TTC13: variants seen among roughly 807,000 people sequenced by gnomAD.
The protein encoded by TTC13 is tetratricopeptide repeat domain 13.
A neutral mutation model predicts 120.0 loss-of-function variants in TTC13; 62 were observed. The ratio of observed to expected loss-of-function variants is 0.52; its 90% CI spans 0.42 to 0.64. The LOEUF (loss-of-function observed/expected upper bound fraction) is 0.64. Among genes scored for constraint, TTC13 ranks in the 30% least tolerant of loss-of-function variants. The pLI is 0.00. For synonymous variants in TTC13, 384 were observed against 393.5 expected (o/e 0.98, Z 0.28); for missense variants, 824 against 1,050.2 (o/e 0.78, Z 2.98).
chr1:230,936,251 C>T, intron 8 of TTC13: 1 of 456,262 alleles, frequency 2.2e-6, no homozygotes. Flanking sequence ...CACTGCACAG[C>T]TCTCTACCTC....
chr1:230,938,485 C>T (rs1050474616), intron 8 of TTC13, among the ~76,000 whole-genome samples: 1 of 152,212 alleles, frequency 6.6e-6, no homozygotes, highest in East Asian at 1.9e-4. Flanking sequence ...GGCTGGAGGC[C>T]ACGTTTCTGC....
chr1:230,936,912 C>G (rs1233877728), intron 8 of TTC13, among the ~76,000 whole-genome samples: 1 of 152,240 alleles, frequency 6.6e-6, no homozygotes, highest in African/African-American at 2.4e-5. Context: ...TCCACTCCTT[C>G]TATACCTCAT....
At chr1:230,935,805 T>C (rs1433346368) in intron 8 of TTC13, among the ~76,000 whole-genome samples, 1 of 152,122 alleles carries the variant, frequency 6.6e-6, no homozygotes, top group African/African-American at 2.4e-5. Flanking sequence ...ATTAGGGAGT[T>C]GCTGCAGTAG....
chr1:230,917,438 A>G (rs1324070442), intron 17 of TTC13, among the ~76,000 whole-genome samples: 1 of 152,108 alleles, frequency 6.6e-6, no homozygotes, highest in African/African-American at 2.4e-5. Flanking sequence ...GCTGACATAC[A>G]CGTTAACTTG....
At chr1:230,943,709 A>G (rs1358502078) in intron 6 of TTC13, 97 bp downstream of exon 6, 3 of 942,950 alleles carry the variant, frequency 3.2e-6, no homozygotes, top group East Asian at 2.6e-5. Flanking sequence ...AAGAGTTTTA[A>G]GGGAGCATTA....
chr1:230,969,968 C>T (rs751496711), intron 1 of TTC13, among the ~76,000 whole-genome samples: 1 of 152,218 alleles, frequency 6.6e-6, no homozygotes, highest in African/African-American at 2.4e-5. Context: ...CCTTCATAAA[C>T]CTCATTTCTT....
intron 4 of TTC13, among the ~76,000 whole-genome samples, chr1:230,952,480 C>T (rs1199886077): frequency 6.6e-6 from 1 of 152,228 alleles, no homozygotes; most frequent in Admixed American, 6.5e-5. Context: ...ATAGTCTGAA[C>T]TGCGAGCAAA....
intron 17 of TTC13, 33 bp downstream of exon 17, chr1:230,920,477 A>T (rs747905991): frequency 1.3e-6 from 2 of 1,499,856 alleles, no homozygotes; most frequent in East Asian, 2.3e-5. Context: ...TTTCCTCTAA[A>T]AACATGGACT....
At chr1:230,963,683 G>C (rs2102976453) in intron 1 of TTC13, among the ~76,000 whole-genome samples, 1 of 143,118 alleles carries the variant, frequency 7.0e-6, no homozygotes, top group Non-Finnish European at 1.5e-5. Flanking sequence ...AAAGAAAAAA[G>C]AATGGATGGA....
At chr1:230,935,046 A>G (rs1285127926) in intron 8 of TTC13, among the ~76,000 whole-genome samples, 2 of 152,230 alleles carry the variant, frequency 1.3e-5, no homozygotes, top group African/African-American at 2.4e-5. Context: ...TGGGATGACA[A>G]TCTACTAATT....
At chr1:230,910,733 A>G (rs1671418778) in intron 20 of TTC13, among the ~76,000 whole-genome samples, 1 of 152,266 alleles carries the variant, frequency 6.6e-6, no homozygotes, top group African/African-American at 2.4e-5. Context: ...TATTATGCTG[A>G]TAAGACAACA....
intron 4 of TTC13, among the ~76,000 whole-genome samples, chr1:230,952,765 A>C (rs941171595): frequency 4.6e-5 from 7 of 152,268 alleles, no homozygotes; most frequent in African/African-American, 1.4e-4. Context: ...TAAGTGAAAA[A>C]GTAATACAAA....
At chr1:230,957,496 G>A (rs550566440) in intron 3 of TTC13, among the ~76,000 whole-genome samples, 2 of 152,302 alleles carry the variant, frequency 1.3e-5, no homozygotes, top group East Asian at 1.9e-4. Context: ...GTATGACCAT[G>A]GTAAGGATAA....
intron 17 of TTC13, among the ~76,000 whole-genome samples, chr1:230,919,689 T>C (rs1024100547): frequency 3.9e-5 from 6 of 152,224 alleles, no homozygotes; most frequent in Non-Finnish European, 8.8e-5. Flanking sequence ...TTAGAAATTG[T>C]TCTTAGTCCT....
chr1:230,945,367 A>G (rs1674889002), intron 5 of TTC13, 22 bp downstream of exon 5: 1 of 1,609,774 alleles, frequency 6.2e-7, no homozygotes, highest in Admixed American at 1.7e-5. Context: ...CGCTATGGCA[A>G]TCGTAACTAT....
Position 230,931,613 on chromosome 1 carries a change from CTCTT to C in TTC13, c.1125+119_1125+122del, listed in dbSNP as rs1347445755. ...TACAGGACAAGAGCAATGATTTCTT[CTCTT>C]TCTTTTTGTTGGAGTAGAAACACTA... On this transcript the variant is annotated intron_variant, in intron 10 of 22. Transcript: ENST00000366661. 3 of 1,470,956 alleles carry C rather than the reference CTCTT, an allele frequency of 2.0e-6. No individual in the cohort carries two copies. The African/African-American group carries it at 4.2e-5, about 21-fold the overall frequency. 91.1% of individuals were successfully genotyped at this position (1,470,956 alleles called of 1,614,324 possible).
chr1:230,918,690 G>T (rs1182160129), intron 17 of TTC13, among the ~76,000 whole-genome samples: 4 of 152,108 alleles, frequency 2.6e-5, no homozygotes, highest in African/African-American at 9.7e-5. Flanking sequence ...ACAATATTTG[G>T]TCTTCAGCAG....
At chr1:230,955,303 T>TG (rs1354624450) in intron 3 of TTC13, among the ~76,000 whole-genome samples, 1 of 152,072 alleles carries the variant, frequency 6.6e-6, no homozygotes, top group Non-Finnish European at 1.5e-5. Flanking sequence ...ACCTAACAGG[T>TG]GTTCAAGAAG....
intron 4 of TTC13, among the ~76,000 whole-genome samples, chr1:230,947,566 A>G (rs1675116557): frequency 6.6e-6 from 1 of 152,104 alleles, no homozygotes; most frequent in Non-Finnish European, 1.5e-5. Flanking sequence ...TGAGCTAAAA[A>G]AAAAAAAATA....
Sources: gnomAD v4.1 joint callset for allele counts (sites outside exome capture counted in the v4.1 genomes callset) on GRCh38, gnomAD v4.1.1 for gene constraint, MANE v1.5 for transcripts, NCBI Gene and HGNC (gene_info 2026-07-23, HGNC 2026-07-21) for gene names.